The following IPCEF1 variants were observed in gnomAD, a reference collection of about 807,000 sequenced individuals.
The protein encoded by IPCEF1 is interactor protein for cytohesin exchange factors 1.
IPCEF1 carries 31 observed loss-of-function variants against 50.9 expected under a neutral mutation model. The ratio of observed to expected loss-of-function variants is 0.61; its 90% confidence interval spans 0.46 to 0.82. IPCEF1 has a LOEUF of 0.82. Ranked by LOEUF, IPCEF1 falls within the 40% of genes least tolerant of loss-of-function variation. The pLI is 0.00. For missense variants in IPCEF1, 458 were observed against 514.0 expected, an observed-to-expected ratio of 0.89 and a Z score of 1.05; for synonymous variants, 181 against 192.0, an observed-to-expected ratio of 0.94 and a Z score of 0.47.
chr6:154,249,568 A>C (rs917315757), intron 3 of IPCEF1, among the ~76,000 whole-genome samples: 3 of 152,130 alleles, frequency 2.0e-5, no homozygotes, highest in African/African-American at 7.2e-5. Context: ...ACAAGATGAA[A>C]TTACATTAGT....
At chr6:154,237,135 C>T (rs1305064051) in intron 5 of IPCEF1, among the ~76,000 whole-genome samples, 1 of 152,178 alleles carries the variant, frequency 6.6e-6, no homozygotes, top group Non-Finnish European at 1.5e-5. Context: ...AAAGAGCTTG[C>T]TCCAGACAGA....
chr6:154,295,197 C>CA (rs112352662), intron 1 of IPCEF1, among the ~76,000 whole-genome samples: 5,577 of 144,450 alleles, frequency 0.039, 336 homozygotes, highest in African/African-American at 0.13. Context: ...GACACCATCT[C>CA]AAAAAAAAAA....
At chr6:154,327,907 C>A (rs1178148053) in intron 1 of IPCEF1, among the ~76,000 whole-genome samples, 1 of 152,142 alleles carries the variant, frequency 6.6e-6, no homozygotes, top group Admixed American at 6.5e-5. Context: ...GGAAGGAGAT[C>A]ACGTCCTTTG....
Position 154,155,776 on chromosome 6 carries a change from G to C in IPCEF1, c.*4052C>G, listed in dbSNP as rs1382347126. 6.6e-6 allele frequency: 1 copy of C among 151,742 alleles called. No homozygotes were observed. The highest frequency in any genetic ancestry group is 1.5e-5 in the Non-Finnish European group (1 of 67,982). The allele number at this position is 151,742 out of a possible 1,614,324, so 9.4% of individuals were successfully genotyped here. A position where few individuals can be genotyped will look rare whatever the true frequency, so the allele number is the denominator to read the frequency against. On this transcript the variant is annotated 3_prime_UTR_variant, in exon 12 of 12. Transcript: ENST00000367220. ...AGCCTGGGCAACAGAGCAAGACTCT[G>C]TCTAAAAAAAGAAAAAAAAAAGTAT... is the stretch of plus-strand genomic sequence containing the variant.
At chr6:154,274,079 A>G (rs1781980321) in intron 2 of IPCEF1, among the ~76,000 whole-genome samples, 1 of 151,052 alleles carries the variant, frequency 6.6e-6, no homozygotes, top group East Asian at 1.9e-4. Flanking sequence ...ACTTAAGCTC[A>G]AAGTGTCATT....
At chr6:154,337,601 A>C (rs1451188394) in intron 1 of IPCEF1, among the ~76,000 whole-genome samples, 1 of 152,220 alleles carries the variant, frequency 6.6e-6, no homozygotes, top group Non-Finnish European at 1.5e-5. Context: ...TTATTATGAA[A>C]AAAGAGGCAC....
chr6:154,301,544 C>T (rs1782795877), intron 1 of IPCEF1, among the ~76,000 whole-genome samples: 1 of 152,148 alleles, frequency 6.6e-6, no homozygotes, highest in African/African-American at 2.4e-5. Context: ...CACTTAAATC[C>T]AACTGGCTGG....
At chr6:154,246,388 A>G (rs113278918) in intron 5 of IPCEF1, among the ~76,000 whole-genome samples, 1 of 152,204 alleles carries the variant, frequency 6.6e-6, no homozygotes, top group African/African-American at 2.4e-5. Flanking sequence ...GAGTAGTCAA[A>G]CAGGATGGGT....
chr6:154,294,545 G>T (rs1192421250), intron 1 of IPCEF1, among the ~76,000 whole-genome samples: 1 of 152,156 alleles, frequency 6.6e-6, no homozygotes, highest in Non-Finnish European at 1.5e-5. Context: ...GCACAGGGAG[G>T]TGTGTGCACT....
chr6:154,191,096 G>A (rs1801842054), intron 10 of IPCEF1, among the ~76,000 whole-genome samples: 1 of 152,070 alleles, frequency 6.6e-6, no homozygotes. Flanking sequence ...AAAAGACTTA[G>A]AAGAAGCTTA....
intron 6 of IPCEF1, among the ~76,000 whole-genome samples, chr6:154,222,170 A>G (rs534062119): frequency 2.6e-5 from 4 of 152,246 alleles, no homozygotes; most frequent in Non-Finnish European, 5.9e-5. Flanking sequence ...AGATTTTAAT[A>G]TAAAAGAAAA....
At chr6:154,189,966 C>T (rs951305318) in intron 10 of IPCEF1, among the ~76,000 whole-genome samples, 2 of 151,582 alleles carry the variant, frequency 1.3e-5, no homozygotes, top group African/African-American at 2.4e-5. Context: ...AACATCACAC[C>T]GTACCACATT....
At chr6:154,241,994 C>G (rs1376387505) in intron 5 of IPCEF1, among the ~76,000 whole-genome samples, 1 of 152,178 alleles carries the variant, frequency 6.6e-6, no homozygotes, top group Non-Finnish European at 1.5e-5. Flanking sequence ...CTATTTACTC[C>G]TTATGAGACT....
chr6:154,311,041 G>A (rs1399193884), intron 1 of IPCEF1, among the ~76,000 whole-genome samples: 1 of 152,058 alleles, frequency 6.6e-6, no homozygotes, highest in Non-Finnish European at 1.5e-5. Flanking sequence ...GATGTTGGAA[G>A]GGAATAAATA....
At chr6:154,247,009 C>T (rs999120144) in intron 4 of IPCEF1, 18 of 435,844 alleles carry the variant, frequency 4.1e-5, no homozygotes, top group Non-Finnish European at 3.2e-5. Flanking sequence ...GTATAAGATA[C>T]GGCCAAAGAA....
intron 2 of IPCEF1, among the ~76,000 whole-genome samples, chr6:154,288,578 G>A (rs748236843): frequency 1.0e-4 from 15 of 149,880 alleles, no homozygotes; most frequent in African/African-American, 3.2e-4. Flanking sequence ...CAGGGGAATC[G>A]CTTGAACCCA....
intron 3 of IPCEF1, among the ~76,000 whole-genome samples, chr6:154,250,381 C>G (rs1781307670): frequency 6.6e-6 from 1 of 152,098 alleles, no homozygotes; most frequent in South Asian, 2.1e-4. Context: ...CTATTTTCTT[C>G]CAGTTTGAAT....
At chr6:154,245,869 A>T (rs907038210) in intron 5 of IPCEF1, among the ~76,000 whole-genome samples, 1 of 152,252 alleles carries the variant, frequency 6.6e-6, no homozygotes, top group Non-Finnish European at 1.5e-5. Context: ...AAAGATCAGC[A>T]CACTTTCTAA....
intron 1 of IPCEF1, among the ~76,000 whole-genome samples, chr6:154,302,627 A>T (rs1782826103): frequency 6.6e-6 from 1 of 152,016 alleles, no homozygotes; most frequent in South Asian, 2.1e-4. Flanking sequence ...GACATGTGCC[A>T]CCACGCCTGG....
Sources: gnomAD v4.1 joint callset for allele counts (sites outside exome capture counted in the v4.1 genomes callset) on GRCh38, gnomAD v4.1.1 for gene constraint, MANE v1.5 for transcripts, NCBI Gene and HGNC (gene_info 2026-07-23, HGNC 2026-07-21) for gene names.